Variants in ASIC2 observed in about 807,000 individuals in gnomAD.
ASIC2 encodes acid-sensing ion channel 2.
ASIC2 carries 25 observed loss-of-function variants against 57.3 expected under a neutral mutation model. That is an observed-to-expected ratio of 0.44 (90% CI 0.32 to 0.61). The LOEUF (loss-of-function observed/expected upper bound fraction) is 0.61, where lower values mean the gene tolerates loss of function less well. ASIC2 is among the 20% of genes least tolerant of loss of function. The pLI is 0.06. For synonymous variants in ASIC2, 319 were observed against 307.5 expected (o/e 1.04, Z -0.39); for missense variants, 641 against 738.1 (o/e 0.87, Z 1.52).
intron 2 of ASIC2, among the ~76,000 whole-genome samples, chr17:33,094,119 G>A (rs1365370733): frequency 1.3e-5 from 2 of 152,152 alleles, no homozygotes; most frequent in Non-Finnish European, 2.9e-5. Flanking sequence ...TCTCCACCCT[G>A]CTCTCTGTGC....
intron 1 of ASIC2, among the ~76,000 whole-genome samples, chr17:33,583,170 T>C (rs112448313): frequency 0.018 from 2,792 of 152,356 alleles, 81 homozygotes; most frequent in African/African-American, 0.061. Context: ...GTTTTATTGT[T>C]GTTTTTCTTT....
rs114798082 is a variant in ASIC2, at chr17:33,252,215, C to A, written c.708+39193G>T. 5.0e-3 allele frequency among the ~76,000 whole-genome samples: 755 copies of A among 152,218 alleles called. 6 individuals are homozygous for A. The highest frequency in any genetic ancestry group is 0.018 in the African/African-American group (727 of 41,532). ...AACTCATTTCATTTTCAAACTGCAC[C>A]GAGTTCTTTCATCATTGCAGCTTTT... On this transcript the variant is annotated intron_variant, in intron 1 of 9. Coordinates refer to ENST00000225823, the MANE Select transcript of ASIC2 (RefSeq NM_183377.2).
At chr17:33,926,295 G>GT (rs1217406726) in intron 1 of ASIC2, among the ~76,000 whole-genome samples, 1 of 152,090 alleles carries the variant, frequency 6.6e-6, no homozygotes, top group African/African-American at 2.4e-5. Flanking sequence ...AGTATTACAG[G>GT]TTAAGTCTCC....
At chr17:33,439,673 G>A (rs535282720) in intron 1 of ASIC2, among the ~76,000 whole-genome samples, 3 of 152,186 alleles carry the variant, frequency 2.0e-5, no homozygotes, top group Non-Finnish European at 2.9e-5. Flanking sequence ...AGACAGAGGA[G>A]AGAGAAGAAA....
At chr17:33,422,179 C>T (rs1911066796) in intron 1 of ASIC2, among the ~76,000 whole-genome samples, 1 of 152,232 alleles carries the variant, frequency 6.6e-6, no homozygotes. Context: ...GGCAATACTG[C>T]AATTTCATTG....
intron 1 of ASIC2, among the ~76,000 whole-genome samples, chr17:33,977,499 G>A (rs1238788782): frequency 6.6e-6 from 1 of 152,184 alleles, no homozygotes; most frequent in Non-Finnish European, 1.5e-5. Flanking sequence ...TACACAAAGT[G>A]CACGTCTAGA....
chr17:33,057,063 C>T (rs1183901989), intron 3 of ASIC2, among the ~76,000 whole-genome samples: 1 of 152,134 alleles, frequency 6.6e-6, no homozygotes, highest in Non-Finnish European at 1.5e-5. Context: ...GAAGCCACAG[C>T]AGAGATGAGC....
intron 1 of ASIC2, among the ~76,000 whole-genome samples, chr17:33,251,299 G>A (rs1393521036): frequency 6.6e-6 from 1 of 152,112 alleles, no homozygotes; most frequent in Non-Finnish European, 1.5e-5. Flanking sequence ...AGCTTTAGTT[G>A]AACACCTATT....
In ASIC2 at chr17:33,601,576, C is replaced by T. The variant is rs116310448; in HGVS notation, c.556-489509G>A. On this transcript the variant is annotated intron_variant, in intron 1 of 9. Transcript: ENST00000359872. Reference sequence around the variant, plus strand: ...GGTATCGTGGCCTCTACTTAGATTTCAAATAATGTATTGGAGAGCTTGGGA... The same window carrying T: ...GGTATCGTGGCCTCTACTTAGATTTTAAATAATGTATTGGAGAGCTTGGGA... 7.3e-3 allele frequency among the ~76,000 whole-genome samples: 1,118 copies of T among 152,302 alleles called. 18 individuals are homozygous for T. Among genetic ancestry groups the T allele is most frequent in the African/African-American group, 0.025 (1,057 of 41,538 alleles).
intron 1 of ASIC2, among the ~76,000 whole-genome samples, chr17:33,158,497 C>A (rs1313973299): frequency 6.6e-6 from 1 of 152,160 alleles, no homozygotes; most frequent in Non-Finnish European, 1.5e-5. Flanking sequence ...GTCTGTGGAT[C>A]GCTGTGAATG....
intron 1 of ASIC2, among the ~76,000 whole-genome samples, chr17:33,275,069 G>T (rs1904650366): frequency 6.6e-6 from 1 of 152,150 alleles, no homozygotes; most frequent in South Asian, 2.1e-4. Context: ...GCTGAAAAAT[G>T]TTCTGCAAGT....
chr17:33,243,681 G>A (rs944724089), intron 1 of ASIC2, among the ~76,000 whole-genome samples: 2 of 152,158 alleles, frequency 1.3e-5, no homozygotes, highest in African/African-American at 2.4e-5. Context: ...CTTTGAAGAC[G>A]TGAATATAAA....
intron 1 of ASIC2, among the ~76,000 whole-genome samples, chr17:33,998,505 T>C (rs1906233796): frequency 6.6e-6 from 1 of 152,156 alleles, no homozygotes; most frequent in Non-Finnish European, 1.5e-5. Context: ...AGGCATTTAT[T>C]GCTATAAACC....
chr17:33,830,728 C>T (rs181273901), intron 1 of ASIC2, among the ~76,000 whole-genome samples: 8 of 152,068 alleles, frequency 5.3e-5, no homozygotes, highest in African/African-American at 1.2e-4. Context: ...CCCTACCCTC[C>T]GACAGGTCCC....
intron 1 of ASIC2, among the ~76,000 whole-genome samples, chr17:33,813,850 G>A (rs2141887808): frequency 6.6e-6 from 1 of 152,310 alleles, no homozygotes. Flanking sequence ...GTTGCTGCCT[G>A]GGAACAGGCA....
intron 1 of ASIC2, among the ~76,000 whole-genome samples, chr17:34,063,421 G>A (rs1909043713): frequency 6.6e-6 from 1 of 152,128 alleles, no homozygotes; most frequent in Non-Finnish European, 1.5e-5. Flanking sequence ...AATACTGAAT[G>A]AGGAAAAGTT....
At chr17:33,978,044 G>A (rs2142002305) in intron 1 of ASIC2, among the ~76,000 whole-genome samples, 1 of 152,342 alleles carries the variant, frequency 6.6e-6, no homozygotes, top group South Asian at 2.1e-4. Context: ...GCCAGCCCTT[G>A]AAGGTGGGGC....
intron 1 of ASIC2, among the ~76,000 whole-genome samples, chr17:33,720,623 A>G (rs753254134): frequency 2.0e-5 from 3 of 152,244 alleles, no homozygotes; most frequent in African/African-American, 7.2e-5. Flanking sequence ...ATAAAGAAAC[A>G]TAAATGAATG....
At chr17:33,743,946 C>T (rs773160264) in intron 1 of ASIC2, among the ~76,000 whole-genome samples, 2 of 152,304 alleles carry the variant, frequency 1.3e-5, no homozygotes, top group Non-Finnish European at 2.9e-5. Context: ...CCAGATCTTT[C>T]GTAGGACATG....
Sources: allele counts gnomAD v4.1 joint callset (sites outside exome capture counted in the v4.1 genomes callset), GRCh38; gene constraint gnomAD v4.1.1; transcripts MANE v1.5; gene names NCBI Gene and HGNC (gene_info 2026-07-23, HGNC 2026-07-21).